The following KATNAL2 variants were observed in gnomAD, a reference collection of about 807,000 sequenced individuals.
KATNAL2 encodes the protein katanin p60 ATPase-containing subunit A-like 2.
Under a neutral mutation model 76.3 loss-of-function variants are expected in KATNAL2, and 52 were observed. That is an observed-to-expected ratio of 0.68 (90% CI 0.55 to 0.86). KATNAL2 has a LOEUF of 0.86. Among genes scored for constraint, KATNAL2 ranks in the 40% least tolerant of loss-of-function variants. The pLI, the probability that KATNAL2 is intolerant of heterozygous loss-of-function variation, is 0.00. For synonymous variants in KATNAL2, 243 were observed against 244.2 expected (o/e 1.00, Z 0.05); for missense variants, 660 against 668.9 (o/e 0.99, Z 0.15).
At chr18:46,960,131 C>A in intron 3 of KATNAL2, among the ~76,000 whole-genome samples, 1 of 152,058 alleles carries the variant, frequency 6.6e-6, no homozygotes, top group East Asian at 1.9e-4. Context: ...GATTCTGGTT[C>A]TGGAAGGAGA....
At chr18:46,965,586 C>CCCT (rs2060100329) in intron 3 of KATNAL2, among the ~76,000 whole-genome samples, 1 of 87,538 alleles carries the variant, frequency 1.1e-5, no homozygotes, top group Non-Finnish European at 2.4e-5. Context: ...TCCCCGCCCC[C>CCCT]CCCCCCCCGC....
chr18:46,958,046 G>A (rs370311956), intron 3 of KATNAL2, among the ~76,000 whole-genome samples: 4 of 152,092 alleles, frequency 2.6e-5, no homozygotes, highest in African/African-American at 9.7e-5. Context: ...TCAAAGGTCT[G>A]AGTAGAATAA....
chr18:46,936,247 A>G (rs56303451), intron 1 of KATNAL2, among the ~76,000 whole-genome samples: 11,686 of 152,204 alleles, frequency 0.077, 483 homozygotes, highest in African/African-American at 0.099. Context: ...ATTAATGTTC[A>G]CAAATGCATT....
intron 3 of KATNAL2, among the ~76,000 whole-genome samples, chr18:47,039,151 A>G (rs1419742141): frequency 6.6e-6 from 1 of 152,212 alleles, no homozygotes; most frequent in Non-Finnish European, 1.5e-5. Context: ...TTATATATCA[A>G]GCCACAATTT....
intron 13 of KATNAL2, 44 bp downstream of exon 13, chr18:47,069,644 A>G: frequency 7.8e-7 from 1 of 1,280,854 alleles, no homozygotes; most frequent in South Asian, 1.3e-5. Flanking sequence ...TTCTAGTGTA[A>G]TACAGTGGTA....
intron 3 of KATNAL2, among the ~76,000 whole-genome samples, chr18:47,042,447 T>G (rs929676551): frequency 1.1e-4 from 17 of 152,172 alleles, no homozygotes; most frequent in Admixed American, 3.9e-4. Flanking sequence ...ATGGATATGT[T>G]TATAAAATAG....
intron 1 of KATNAL2, among the ~76,000 whole-genome samples, chr18:46,922,213 C>T (rs775558485): frequency 6.5e-4 from 99 of 151,552 alleles, no homozygotes; most frequent in Non-Finnish European, 1.3e-3. Flanking sequence ...AGTCTTCGTA[C>T]CTCAGCCTCC....
intron 4 of KATNAL2, among the ~76,000 whole-genome samples, chr18:47,048,446 G>C (rs946243982): frequency 3.3e-5 from 5 of 152,032 alleles, no homozygotes; most frequent in African/African-American, 1.2e-4. Flanking sequence ...TAAACCTATT[G>C]CCCCCTAGAA....
At position 47,067,137 on chromosome 18, in the gene KATNAL2, C is replaced by T. The variant is rs749848586; in HGVS notation, c.825+18C>T. ...CTATAAGGGTAAGGACGGGAAGCCT[C>T]TTGGGGGTTATTTCTGTTCACTATC... On this transcript the variant is annotated intron_variant, in intron 11 of 17. Coordinates refer to ENST00000683218, the MANE Select transcript of KATNAL2 (RefSeq NM_001387690.1). The T allele has an allele frequency of 1.4e-5, 19 of 1,346,094 alleles. No homozygotes were observed. The South Asian group carries it at 1.9e-4, about 13-fold the overall frequency. The allele number at this position is 1,346,094 out of a possible 1,614,324, so 83.4% of individuals were successfully genotyped here.
intron 3 of KATNAL2, among the ~76,000 whole-genome samples, chr18:46,951,804 A>G (rs142469542): frequency 3.5e-4 from 53 of 152,154 alleles, no homozygotes; most frequent in Non-Finnish European, 5.1e-4. Flanking sequence ...AATTATTTTG[A>G]GCAGGGTCTT....
At chr18:47,096,975 A>C (rs1229508369) in intron 15 of KATNAL2, among the ~76,000 whole-genome samples, 1 of 151,872 alleles carries the variant, frequency 6.6e-6, no homozygotes, top group Non-Finnish European at 1.5e-5. Flanking sequence ...GCATCCAAAA[A>C]ATATTAGCCG....
chr18:47,053,525 A>C (rs2061392553), intron 5 of KATNAL2, among the ~76,000 whole-genome samples: 1 of 152,154 alleles, frequency 6.6e-6, no homozygotes, highest in Non-Finnish European at 1.5e-5. Flanking sequence ...TAATATAAAA[A>C]CCCAGTATAG....
At chr18:47,071,897 A>C (rs2062014181) in intron 13 of KATNAL2, among the ~76,000 whole-genome samples, 1 of 149,450 alleles carries the variant, frequency 6.7e-6, no homozygotes, top group Non-Finnish European at 1.5e-5. Context: ...GGGAGCAAAA[A>C]AAATTAATTA....
At chr18:46,943,412 G>T (rs1485500782) in intron 1 of KATNAL2, among the ~76,000 whole-genome samples, 2 of 152,176 alleles carry the variant, frequency 1.3e-5, no homozygotes, top group African/African-American at 2.4e-5. Flanking sequence ...CAAAGACCTT[G>T]CTGATAAAAC....
Position 46,917,772 on chromosome 18 carries a change from G to A in KATNAL2, c.-664G>A, listed in dbSNP as rs543631087. On this transcript the variant is annotated 5_prime_UTR_variant, in exon 1 of 18. Coordinates refer to ENST00000683218, the MANE Select transcript of KATNAL2 (RefSeq NM_001387690.1). ...CGCGGGCCTGGCCTCGGGAAGTGGCGGGGAGGAAGAAGAGGCGGCCGGGAC... is the reference window on the plus strand; with the variant it reads ...CGCGGGCCTGGCCTCGGGAAGTGGCAGGGAGGAAGAAGAGGCGGCCGGGAC... 48 of 164,766 alleles carry A rather than the reference G, an allele frequency of 2.9e-4. No homozygotes were observed. The highest frequency in any genetic ancestry group is 4.5e-4 in the Non-Finnish European group (36 of 79,314). The allele number at this position is 164,766 out of a possible 1,614,324, so 10.2% of individuals were successfully genotyped here. A position where few individuals can be genotyped will look rare whatever the true frequency, so the allele number is the denominator to read the frequency against.
intron 3 of KATNAL2, among the ~76,000 whole-genome samples, chr18:46,957,037 CAAAA>C (rs71264809): frequency 1.9e-5 from 2 of 104,892 alleles, no homozygotes. Context: ...AACTCCGTCT[CAAAA>C]AAAAAAAAAA....
intron 11 of KATNAL2, among the ~76,000 whole-genome samples, chr18:47,067,927 G>T (rs927284995): frequency 5.3e-5 from 8 of 152,204 alleles, no homozygotes; most frequent in African/African-American, 1.2e-4. Flanking sequence ...AGACTGAAAA[G>T]GCTGGGACAA....
intron 8 of KATNAL2, 116 bp downstream of exon 8, chr18:47,059,770 G>T (rs1263817072): frequency 2.6e-6 from 2 of 764,582 alleles, no homozygotes; most frequent in African/African-American, 1.7e-5. Flanking sequence ...ATTTTTGAAG[G>T]TTGGCTGTGA....
chr18:47,069,870 G>T (rs928669032), intron 13 of KATNAL2, among the ~76,000 whole-genome samples: 8 of 151,838 alleles, frequency 5.3e-5, no homozygotes, highest in Non-Finnish European at 1.2e-4. Context: ...AAAGCTGGGG[G>T]AAAAAAATCT....
Sources: allele counts gnomAD v4.1 joint callset (sites outside exome capture counted in the v4.1 genomes callset), GRCh38; gene constraint gnomAD v4.1.1; transcripts MANE v1.5; gene names NCBI Gene and HGNC (gene_info 2026-07-23, HGNC 2026-07-21).